The following ARFGEF1 variants were observed in gnomAD, a reference collection of about 807,000 sequenced individuals.
The protein encoded by ARFGEF1 is ARF guanine nucleotide exchange factor 1.
A neutral mutation model predicts 231.0 loss-of-function variants in ARFGEF1; 42 were observed. The ratio of observed to expected loss-of-function variants is 0.18; its 90% confidence interval spans 0.14 to 0.24. ARFGEF1 has a LOEUF of 0.24. Among genes scored for constraint, ARFGEF1 ranks in the 10% least tolerant of loss-of-function variants. The probability of loss-of-function intolerance (pLI) is 1.00; values close to 1 mark genes in which losing one functional copy is unlikely to be tolerated. For synonymous variants in ARFGEF1, 710 were observed against 732.3 expected, an observed-to-expected ratio of 0.97 and a Z score of 0.49; for missense variants, 1,345 against 2,192.0, an observed-to-expected ratio of 0.61 and a Z score of 7.72.
At chr8:67,207,103 C>T (rs1176389770) in intron 34 of ARFGEF1, 1 of 152,142 alleles carries the variant, frequency 6.6e-6, no homozygotes, top group East Asian at 1.9e-4. Flanking sequence ...ACCTGTAAGT[C>T]CTACGGTTAT....
chr8:67,307,983 C>A lies in ARFGEF1; in HGVS notation c.125-5517G>T, dbSNP rs142888014. 1.3e-3 allele frequency among the ~76,000 whole-genome samples: 203 copies of A among 152,310 alleles called. 2 individuals are homozygous for A. The highest frequency in any genetic ancestry group is 4.7e-3 in the African/African-American group (196 of 41,566). ...GCTTTCCAGGCACCCCCTCTTGGAG[C>A]CCAATGGCCCTGTTGTGAGAAGCCC... On this transcript the variant is annotated intron_variant, in intron 1 of 38. Transcript: ENST00000262215.
intron 1 of ARFGEF1, among the ~76,000 whole-genome samples, chr8:67,313,931 G>C (rs549957275): frequency 6.6e-6 from 1 of 152,188 alleles, no homozygotes; most frequent in Non-Finnish European, 1.5e-5. Flanking sequence ...TTCTTGGGTG[G>C]GTCTTGCTGT....
intron 22 of ARFGEF1, among the ~76,000 whole-genome samples, chr8:67,236,363 A>AAAT (rs1839753411): frequency 2.7e-5 from 1 of 37,674 alleles, no homozygotes; most frequent in Non-Finnish European, 4.6e-5. Context: ...AAAAAAAAAA[A>AAAT]AAATATATAT....
intron 1 of ARFGEF1, among the ~76,000 whole-genome samples, chr8:67,310,265 G>A (rs930677168): frequency 2.6e-5 from 4 of 152,088 alleles, no homozygotes; most frequent in Non-Finnish European, 4.4e-5. Context: ...GCGCCACCAC[G>A]CCTGACTGGT....
At chr8:67,267,057 A>T in intron 12 of ARFGEF1, 34 bp downstream of exon 12, 1 of 1,609,578 alleles carries the variant, frequency 6.2e-7, no homozygotes, top group Non-Finnish European at 8.5e-7. Flanking sequence ...TTCCTGGTAA[A>T]GTTTAAATTT....
intron 36 of ARFGEF1, 164 bp from the exon 37 acceptor site, chr8:67,201,769 A>C: frequency 2.2e-6 from 2 of 891,378 alleles, no homozygotes; most frequent in Non-Finnish European, 3.4e-6. Flanking sequence ...CATGTCCAGA[A>C]TTCCCTCCCT....
chr8:67,338,752 A>G (rs1320200921), intron 1 of ARFGEF1, among the ~76,000 whole-genome samples: 1 of 152,234 alleles, frequency 6.6e-6, no homozygotes, highest in African/African-American at 2.4e-5. Context: ...TCTTCTACCC[A>G]TCTCAAAAAT....
Position 67,201,456 on chromosome 8 carries a change from A to G in ARFGEF1, c.5267+11T>C, listed in dbSNP as rs766027770. Reference sequence around the variant, plus strand: ...ACCTGGTCAGAGATGGAAATCAGTCAAAAGTCTTACTTCAAAAGCCTCTGC... The same window carrying G: ...ACCTGGTCAGAGATGGAAATCAGTCGAAAGTCTTACTTCAAAAGCCTCTGC... On this transcript the variant is annotated intron_variant, in intron 37 of 38. Transcript: ENST00000262215. The G allele has an allele frequency of 6.2e-6, 10 of 1,600,696 alleles. No homozygotes were observed. Among genetic ancestry groups the G allele is most frequent in the Non-Finnish European group, 5.1e-6 (6 of 1,175,912 alleles).
At chr8:67,291,813 C>A in intron 6 of ARFGEF1, 34 bp downstream of exon 6, 1 of 1,600,628 alleles carries the variant, frequency 6.2e-7, no homozygotes. Flanking sequence ...TTTCCCTTAA[C>A]ACACACCCCA....
chr8:67,235,257 T>C (rs1406107240), intron 22 of ARFGEF1, among the ~76,000 whole-genome samples: 1 of 151,850 alleles, frequency 6.6e-6, no homozygotes, highest in Non-Finnish European at 1.5e-5. Flanking sequence ...AATCCCTTAA[T>C]GAGAGTTCCA....
chr8:67,341,106 C>G (rs1430354271), intron 1 of ARFGEF1, among the ~76,000 whole-genome samples: 1 of 152,098 alleles, frequency 6.6e-6, no homozygotes, highest in African/African-American at 2.4e-5. Flanking sequence ...TACAACGTAA[C>G]AGAACTGGGA....
chr8:67,238,964 C>G (rs1422753458), intron 20 of ARFGEF1, 71 bp from the exon 21 acceptor site: 2 of 1,186,368 alleles, frequency 1.7e-6, no homozygotes, highest in African/African-American at 3.1e-5. Flanking sequence ...CACCAACAAA[C>G]TCTGTTTACT....
In ARFGEF1 at chr8:67,292,089, T is replaced by C; in HGVS notation, c.674A>G (p.His225Arg). The change falls in exon 6 of 39, where the codon CAT (histidine) becomes CGT (arginine). Residue 225 changes from histidine to arginine, a missense_variant. His to Arg is a conservative substitution (Grantham distance 29). This residue lies in a region of ARFGEF1 where 398 missense variants were observed against 463.2 expected (regional missense o/e 0.86). Coordinates refer to ENST00000262215, the MANE Select transcript of ARFGEF1 (RefSeq NM_006421.5). ...CTGTAACAGATGATGATGCTGCCGA[T>C]GCCTTTCTTTTTCCATTTGTTTTGC... is the stretch of plus-strand genomic sequence containing the variant. ...QEAKQMEKER[H>R]RQHHHLLQSP... is the part of the protein sequence containing the mutation. The C allele has an allele frequency of 6.2e-7, 1 of 1,613,462 alleles. No individual in the cohort carries two copies. The highest frequency in any genetic ancestry group is 1.7e-4 in the Middle Eastern group (1 of 6,060).
chr8:67,196,967 C>CTCTT (rs1344050070), downstream of ARFGEF1, among the ~76,000 whole-genome samples: 2 of 152,150 alleles, frequency 1.3e-5, no homozygotes, highest in African/African-American at 4.8e-5. Context: ...AATACTTTTC[C>CTCTT]TCTTTAACAC....
At chr8:67,179,794 C>G (rs778719669) in intron 5 of ARFGEF1, 221 of 1,050,418 alleles carry the variant, frequency 2.1e-4, no homozygotes, top group Non-Finnish European at 3.0e-4. Flanking sequence ...TGTGCCTCTT[C>G]TTAGTATAAA....
chr8:67,335,011 AATACT>A (rs1482544341), intron 1 of ARFGEF1, among the ~76,000 whole-genome samples: 6 of 152,236 alleles, frequency 3.9e-5, no homozygotes, highest in Non-Finnish European at 7.3e-5. Flanking sequence ...AAAAAAAGTA[AATACT>A]ATAGTATGTA....
intron 5 of ARFGEF1, among the ~76,000 whole-genome samples, chr8:67,182,804 A>T (rs1020890675): frequency 6.6e-6 from 1 of 152,116 alleles, no homozygotes; most frequent in Non-Finnish European, 1.5e-5. Flanking sequence ...CCTATTTAAG[A>T]CCTTTGCTAA....
chr8:67,271,629 G>C, intron 10 of ARFGEF1, 73 bp downstream of exon 10: 1 of 1,082,212 alleles, frequency 9.2e-7, no homozygotes, highest in Non-Finnish European at 1.4e-6. Flanking sequence ...ACTTTGCAGT[G>C]TATTCAAATA....
intron 10 of ARFGEF1, among the ~76,000 whole-genome samples, chr8:67,268,696 G>A (rs1169172068): frequency 2.0e-5 from 3 of 152,170 alleles, no homozygotes; most frequent in East Asian, 1.9e-4. Flanking sequence ...ATAGGCACAC[G>A]CATCCCAGTG....
Sources: allele counts gnomAD v4.1 joint callset (sites outside exome capture counted in the v4.1 genomes callset), GRCh38; gene constraint gnomAD v4.1.1; regional missense constraint gnomAD v4.1.1; transcripts MANE v1.5; gene names NCBI Gene and HGNC (gene_info 2026-07-23, HGNC 2026-07-21).